The following CSMD3 variants were observed in gnomAD, a reference collection of about 807,000 sequenced individuals.
CSMD3 encodes the protein CUB and Sushi multiple domains 3.
Under a neutral mutation model 435.2 loss-of-function variants are expected in CSMD3, and 177 were observed. The observed-to-expected ratio is 0.41, with a 90% CI of 0.36 to 0.46. The LOEUF (loss-of-function observed/expected upper bound fraction) is 0.46, where lower values mean the gene tolerates loss of function less well. CSMD3 is among the 20% of genes least tolerant of loss of function. The pLI is 0.34. For synonymous variants in CSMD3, 1,656 were observed against 1,520.5 expected, an observed-to-expected ratio of 1.09 and a Z score of -2.07; for missense variants, 4,265 against 4,504.6, an observed-to-expected ratio of 0.95 and a Z score of 1.52.
intron 23 of CSMD3, among the ~76,000 whole-genome samples, chr8:112,583,447 G>C (rs1223272372): frequency 2.0e-5 from 3 of 151,860 alleles, no homozygotes; most frequent in Admixed American, 2.0e-4. Flanking sequence ...ATGTTTCAAA[G>C]TTTTTTTTAA....
intron 50 of CSMD3, among the ~76,000 whole-genome samples, chr8:112,307,933 T>C (rs1821600542): frequency 6.6e-6 from 1 of 152,148 alleles, no homozygotes; most frequent in East Asian, 1.9e-4. Flanking sequence ...AATCTACCAT[T>C]TGCTGCTTAA....
Position 112,224,917 on chromosome 8 carries a change from T to C in CSMD3, c.10978A>G (p.Thr3660Ala), listed in dbSNP as rs1246389630. The C allele has an allele frequency of 6.2e-7, 1 of 1,614,010 alleles. No homozygotes were observed. Among genetic ancestry groups the C allele is most frequent in the Non-Finnish European group, 8.5e-7 (1 of 1,179,878 alleles). ...TGAACTGAACATCCTGTATACTGTG[T>C]TTTAGGTGCAGTCCTGTTGATGAGA... is the stretch of plus-strand genomic sequence containing the variant. ...YLYKQRTAPK[T>A]QYTGCSVHEN... The change falls in exon 71 of 71, where the codon ACA (threonine) becomes GCA (alanine). Residue 3660 changes from threonine to alanine, a missense_variant. By Grantham distance (58) the Thr-to-Ala change is moderately conservative (BLOSUM62 0). Coordinates refer to ENST00000297405, the MANE Select transcript of CSMD3 (RefSeq NM_198123.2).
At chr8:112,313,801 C>T (rs1586741764) in intron 49 of CSMD3, 105 bp downstream of exon 49, 9 of 864,838 alleles carry the variant, frequency 1.0e-5, no homozygotes, top group Non-Finnish European at 1.7e-5. Context: ...AATGGAGGAG[C>T]TGTGATTTGA....
chr8:112,682,805 C>T lies in CSMD3; in HGVS notation c.2483-169G>A, dbSNP rs148973295. ...TTTAAATTTGGAGGTTCTCCTCTGA[C>T]CTTACCTGTTTGCCTGTGATGTGCA... On this transcript the variant is annotated intron_variant, in intron 15 of 70. Coordinates refer to ENST00000297405, the MANE Select transcript of CSMD3 (RefSeq NM_198123.2). Among the ~76,000 whole-genome samples, 346 of 152,150 alleles carry T rather than the reference C, an allele frequency of 2.3e-3. 1 individual carries two copies. The highest frequency in any genetic ancestry group is 8.0e-3 in the African/African-American group (332 of 41,524).
chr8:112,732,496 C>T (rs1044738171), intron 13 of CSMD3, among the ~76,000 whole-genome samples: 1 of 151,654 alleles, frequency 6.6e-6, no homozygotes, highest in Non-Finnish European at 1.5e-5. Flanking sequence ...TTTGGGAGGC[C>T]GAGGTGCAAG....
intron 17 of CSMD3, among the ~76,000 whole-genome samples, chr8:112,664,459 G>A (rs893956921): frequency 1.3e-5 from 2 of 152,042 alleles, no homozygotes; most frequent in African/African-American, 4.8e-5. Flanking sequence ...AATTGCTATG[G>A]CAACATAAGC....
Position 113,145,387 on chromosome 8 carries a change from C to A in CSMD3, c.709+28335G>T, listed in dbSNP as rs914027418. ...ATCTCTGCAAGTGTCAATCTAAACACAGTATCCTATTGTTACAAGGGCTTA... is the reference window on the plus strand; with the variant it reads ...ATCTCTGCAAGTGTCAATCTAAACAAAGTATCCTATTGTTACAAGGGCTTA... On this transcript the variant is annotated intron_variant, in intron 4 of 70. Coordinates refer to ENST00000297405, the MANE Select transcript of CSMD3 (RefSeq NM_198123.2). Among the ~76,000 whole-genome samples, 4 of 151,712 alleles carry A rather than the reference C, an allele frequency of 2.6e-5. No homozygotes were observed. In the East Asian group the frequency reaches 7.8e-4, roughly 30 times the overall value.
intron 46 of CSMD3, 79 bp downstream of exon 46, chr8:112,319,822 A>C: frequency 1.0e-6 from 1 of 986,688 alleles, no homozygotes. Flanking sequence ...GGCTATTACT[A>C]TTCTGTATTT....
intron 1 of CSMD3, among the ~76,000 whole-genome samples, chr8:113,418,216 A>G (rs1259610832): frequency 6.6e-6 from 1 of 152,186 alleles, no homozygotes; most frequent in African/African-American, 2.4e-5. Context: ...ATTCATATAC[A>G]AATGAAATTT....
intron 4 of CSMD3, among the ~76,000 whole-genome samples, chr8:113,108,443 T>C (rs139509447): frequency 9.6e-5 from 14 of 146,518 alleles, no homozygotes; most frequent in Admixed American, 2.1e-4. Flanking sequence ...AAAAAAAAGG[T>C]TATGTATGTT....
intron 13 of CSMD3, among the ~76,000 whole-genome samples, chr8:112,750,954 AG>A (rs1374430485): frequency 6.6e-6 from 1 of 152,040 alleles, no homozygotes; most frequent in African/African-American, 2.4e-5. Flanking sequence ...TATTTTTCCA[AG>A]ACATCTGTTC....
rs546599339 is a variant in CSMD3, at chr8:112,988,347, G to A, written c.1031-12199C>T. Among the ~76,000 whole-genome samples, 7 of 152,138 alleles carry A rather than the reference G, an allele frequency of 4.6e-5. No homozygotes were observed. In the South Asian group the frequency reaches 1.0e-3, roughly 23 times the overall value. On this transcript the variant is annotated intron_variant, in intron 6 of 70. Coordinates refer to ENST00000297405, the MANE Select transcript of CSMD3 (RefSeq NM_198123.2). The stretch of plus-strand genomic sequence containing the variant: ...ATTAAATTTCACACCTGTTTAATGT[G>A]TAAATGCATTAAAAATGTACAACAT...
At chr8:112,255,474 CAG>C in intron 61 of CSMD3, 47 bp from the exon 62 acceptor site, 1 of 1,542,468 alleles carries the variant, frequency 6.5e-7, no homozygotes, top group Non-Finnish European at 9.0e-7. Flanking sequence ...TAGTATACAG[CAG>C]AGTACACAGT....
intron 10 of CSMD3, among the ~76,000 whole-genome samples, chr8:112,860,294 C>A (rs1442796017): frequency 1.3e-5 from 2 of 151,750 alleles, no homozygotes; most frequent in African/African-American, 4.8e-5. Flanking sequence ...AACTTTCCTG[C>A]AACTTGATGG....
chr8:112,450,778 A>C (rs2130593331), intron 32 of CSMD3, among the ~76,000 whole-genome samples: 1 of 152,322 alleles, frequency 6.6e-6, no homozygotes, highest in South Asian at 2.1e-4. Flanking sequence ...GGAGTCAATA[A>C]TCTGGGCAAT....
intron 52 of CSMD3, among the ~76,000 whole-genome samples, chr8:112,303,565 C>T (rs1481338908): frequency 6.6e-6 from 1 of 151,620 alleles, no homozygotes; most frequent in East Asian, 1.9e-4. Context: ...AAAAAACAAA[C>T]AAACAAACAA....
intron 13 of CSMD3, among the ~76,000 whole-genome samples, chr8:112,776,748 G>C (rs893422245): frequency 6.6e-6 from 1 of 151,660 alleles, no homozygotes; most frequent in Non-Finnish European, 1.5e-5. Flanking sequence ...CTAAAGCAAT[G>C]ACCATTATAT....
intron 16 of CSMD3, among the ~76,000 whole-genome samples, chr8:112,670,934 C>T (rs2075641148): frequency 6.6e-6 from 1 of 151,894 alleles, no homozygotes; most frequent in Admixed American, 6.6e-5. Context: ...ATATGCAACC[C>T]TTTGAAAAAA....
At chr8:112,284,390 T>C (rs969097484) in intron 58 of CSMD3, among the ~76,000 whole-genome samples, 7 of 151,912 alleles carry the variant, frequency 4.6e-5, no homozygotes, top group Admixed American at 4.6e-4. Flanking sequence ...AGAGTAAAAA[T>C]ACCAATAATT....
Sources: allele counts gnomAD v4.1 joint callset (sites outside exome capture counted in the v4.1 genomes callset), GRCh38; gene constraint gnomAD v4.1.1; transcripts MANE v1.5; gene names NCBI Gene and HGNC (gene_info 2026-07-23, HGNC 2026-07-21).